The following BANP variants were observed in gnomAD, a reference collection of about 807,000 sequenced individuals.
BANP encodes protein BANP.
In BANP, 11 loss-of-function variants were observed where a neutral mutation model predicts 68.1. That is an observed-to-expected ratio of 0.16 (90% CI 0.10 to 0.27). The LOEUF is 0.27. BANP is among the 10% of genes least tolerant of loss of function. The pLI, the probability that BANP is intolerant of heterozygous loss-of-function variation, is 1.00. For synonymous variants in BANP, 329 were observed against 303.2 expected, an observed-to-expected ratio of 1.09 and a Z score of -0.88; for missense variants, 504 against 722.7, an observed-to-expected ratio of 0.70 and a Z score of 3.47.
rs1252598388 is a variant in BANP, at chr16:88,065,423, C to T, written c.1377+91C>T. On this transcript the variant is annotated intron_variant, in intron 12 of 13. Coordinates refer to ENST00000682872, the MANE Select transcript of BANP (RefSeq NM_001386991.1). ...ACCCCCGCGATGACACTGGGCCCAC[C>T]TGGCCATCCAGGGTCATCTCACCAC... The T allele has an allele frequency of 7.7e-6, 5 of 650,662 alleles. No individual in the cohort carries two copies. The East Asian group carries it at 1.1e-4, about 14-fold the overall frequency. The allele number at this position is 650,662 out of a possible 1,614,324, so 40.3% of individuals were successfully genotyped here.
chr16:88,060,888 G>A (rs2086581140), intron 11 of BANP, among the ~76,000 whole-genome samples: 1 of 101,984 alleles, frequency 9.8e-6, no homozygotes, highest in Admixed American at 1.6e-4. Context: ...CCATCCAGAA[G>A]CCAGAGGCCT....
chr16:88,053,052 C>T (rs2083676788), intron 11 of BANP, among the ~76,000 whole-genome samples: 1 of 151,752 alleles, frequency 6.6e-6, no homozygotes, highest in Admixed American at 6.6e-5. Flanking sequence ...CCATCACCAT[C>T]ACCCCTGTCA....
chr16:87,955,307 C>G (rs567579168), intron 1 of BANP, among the ~76,000 whole-genome samples: 1 of 152,186 alleles, frequency 6.6e-6, no homozygotes, highest in Non-Finnish European at 1.5e-5. Flanking sequence ...TTGTGAGAAA[C>G]GCACACTTTC....
chr16:88,047,465 C>G (rs929542735), intron 11 of BANP, among the ~76,000 whole-genome samples: 78 of 152,322 alleles, frequency 5.1e-4, no homozygotes, highest in African/African-American at 1.9e-3. Flanking sequence ...GTGCATCAGT[C>G]AGGCTTGGTA....
intron 1 of BANP, among the ~76,000 whole-genome samples, chr16:87,968,255 G>A (rs1462123121): frequency 1.3e-5 from 2 of 151,692 alleles, no homozygotes; most frequent in Non-Finnish European, 2.9e-5. Context: ...AGACCGAGGT[G>A]GGTGGATCAC....
intron 4 of BANP, among the ~76,000 whole-genome samples, chr16:87,990,101 C>T: frequency 6.6e-6 from 1 of 152,230 alleles, no homozygotes; most frequent in Non-Finnish European, 1.5e-5. Context: ...ATTAACTGAA[C>T]ATACTGACTC....
chr16:87,979,969 T>G (rs116186040), intron 2 of BANP, among the ~76,000 whole-genome samples: 1,747 of 152,220 alleles, frequency 0.011, 33 homozygotes, highest in African/African-American at 0.039. Flanking sequence ...ACGATTAATA[T>G]TAACCCAGAG....
chr16:87,958,180 C>T (rs892762348), intron 1 of BANP, among the ~76,000 whole-genome samples: 16 of 152,130 alleles, frequency 1.1e-4, no homozygotes, highest in Middle Eastern at 3.2e-3. Flanking sequence ...GTTTGTGCCA[C>T]GTTCCCTCAT....
At chr16:88,065,115 G>A (rs2152891997) in intron 11 of BANP, 152 bp from the exon 12 acceptor site, 9 of 508,320 alleles carry the variant, frequency 1.8e-5, no homozygotes, top group South Asian at 8.6e-5. Flanking sequence ...GACCTGGCTG[G>A]AGGCTCCTGT....
Position 88,020,818 on chromosome 16 carries a change from G to A in BANP, c.895+2151G>A, listed in dbSNP as rs974819279. On this transcript the variant is annotated intron_variant, in intron 7 of 13. Transcript: ENST00000682872. ...CCTTGGATTGTCAGGCTAAGGATTC[G>A]GGCTTTCAGGGCATTGGCTGCAATT... 5.9e-5 allele frequency among the ~76,000 whole-genome samples: 9 copies of A among 152,188 alleles called. No homozygotes were observed. In the South Asian group the frequency reaches 6.2e-4, roughly 11 times the overall value.
chr16:88,042,523 G>C (rs1460527013), intron 11 of BANP, among the ~76,000 whole-genome samples: 1 of 152,248 alleles, frequency 6.6e-6, no homozygotes, highest in East Asian at 1.9e-4. Flanking sequence ...ACCTCTAGGT[G>C]CACATGCTGT....
At chr16:88,053,334 C>A in intron 11 of BANP, among the ~76,000 whole-genome samples, 1 of 138,274 alleles carries the variant, frequency 7.2e-6, no homozygotes, top group East Asian at 2.0e-4. Context: ...TCATCTCCAT[C>A]ATCATCACCA....
intron 4 of BANP, among the ~76,000 whole-genome samples, chr16:87,998,242 G>A (rs369650743): frequency 3.3e-5 from 5 of 152,202 alleles, no homozygotes; most frequent in African/African-American, 1.2e-4. Flanking sequence ...GAAAACTAAA[G>A]CATAGTAAGG....
chr16:88,071,304 C>G lies in BANP; in HGVS notation c.1378-765C>G. 1 of 366,896 alleles carries G rather than the reference C, an allele frequency of 2.7e-6. No individual in the cohort carries two copies. The highest frequency in any genetic ancestry group is 5.4e-6 in the Non-Finnish European group (1 of 184,678). 22.7% of individuals were successfully genotyped at this position (366,896 alleles called of 1,614,324 possible). A position where few individuals can be genotyped will look rare whatever the true frequency, so the allele number is the denominator to read the frequency against. On this transcript the variant is annotated intron_variant, in intron 12 of 13. Transcript: ENST00000682872. The surrounding 1 kb of genome is among the most constrained non-coding windows in gnomAD (Gnocchi z 6.5). ...AGGGCTGGGGCTGCCCACCCGCCTG[C>G]CTGGGCCGTCTTGACACCGGAGCTG...
intron 4 of BANP, among the ~76,000 whole-genome samples, chr16:87,998,464 G>C (rs562308081): frequency 2.0e-5 from 3 of 151,694 alleles, no homozygotes; most frequent in East Asian, 3.9e-4. Context: ...ATCTGCGTGG[G>C]CTGCTGTCTG....
intron 9 of BANP, among the ~76,000 whole-genome samples, chr16:88,034,767 T>A (rs554613729): frequency 6.6e-6 from 1 of 152,362 alleles, no homozygotes; most frequent in East Asian, 1.9e-4. Flanking sequence ...CTGGGACCTA[T>A]TGCTCCTTTG....
chr16:88,011,310 C>A (rs1190702782), intron 6 of BANP, among the ~76,000 whole-genome samples: 1 of 152,054 alleles, frequency 6.6e-6, no homozygotes, highest in African/African-American at 2.4e-5. Flanking sequence ...CTGAAAGACG[C>A]CCTTTCCATC....
chr16:87,982,800 A>G (rs1242521162), intron 3 of BANP: 2 of 152,214 alleles, frequency 1.3e-5, no homozygotes, highest in African/African-American at 2.4e-5. Context: ...TGTCCCTGCC[A>G]CTGTGTACGC....
Position 88,071,992 on chromosome 16 carries a change from G to T in BANP, c.1378-77G>T. The T allele has an allele frequency of 6.5e-7, 1 of 1,528,666 alleles. No homozygotes were observed. The highest frequency in any genetic ancestry group is 8.8e-7 in the Non-Finnish European group (1 of 1,139,912). The allele number at this position is 1,528,666 out of a possible 1,614,324, so 94.7% of individuals were successfully genotyped here. On this transcript the variant is annotated intron_variant, in intron 12 of 13. Coordinates refer to ENST00000682872, the MANE Select transcript of BANP (RefSeq NM_001386991.1). This position sits in a 1 kb window ranked among gnomAD's most constrained non-coding sequence, Gnocchi z 6.5. Reference sequence around the variant, plus strand: ...CAGCACGTGTGGGCTGGGGTCTGCGGTCTGTGGAGCCATGTGGGTTGTGGG... The same window carrying T: ...CAGCACGTGTGGGCTGGGGTCTGCGTTCTGTGGAGCCATGTGGGTTGTGGG...
Sources: gnomAD v4.1 joint callset for allele counts (sites outside exome capture counted in the v4.1 genomes callset) on GRCh38, gnomAD v4.1.1 for gene constraint, Gnocchi (gnomAD v3.1) non-coding constraint, MANE v1.5 for transcripts, NCBI Gene and HGNC (gene_info 2026-07-23, HGNC 2026-07-21) for gene names.